UTP4: variants seen among roughly 807,000 people sequenced by gnomAD.
The protein encoded by UTP4 is UTP4 small subunit processome component, also known as U3 small nucleolar RNA-associated protein 4 homolog.
UTP4 carries 45 observed loss-of-function variants against 82.4 expected under a neutral mutation model. The observed-to-expected ratio is 0.55, with a 90% confidence interval of 0.43 to 0.70. The LOEUF (loss-of-function observed/expected upper bound fraction) is 0.70. Ranked by LOEUF, UTP4 falls within the 30% of genes least tolerant of loss-of-function variation. The pLI is 0.00. For synonymous variants in UTP4, 348 were observed against 300.3 expected, an observed-to-expected ratio of 1.16 and a Z score of -1.64; for missense variants, 819 against 858.3, an observed-to-expected ratio of 0.95 and a Z score of 0.57.
intron 6 of UTP4, among the ~76,000 whole-genome samples, chr16:69,148,238 G>A (rs997303926): frequency 2.0e-5 from 3 of 151,790 alleles, no homozygotes; most frequent in Non-Finnish European, 4.4e-5. Context: ...TGGAATTACA[G>A]GCGTGAGCCA....
intron 5 of UTP4, among the ~76,000 whole-genome samples, chr16:69,141,714 C>A (rs1048835293): frequency 6.6e-6 from 1 of 151,700 alleles, no homozygotes; most frequent in South Asian, 2.1e-4. Flanking sequence ...ATCTTTGAAT[C>A]CTCTATTGAG....
chr16:69,150,040 A>G (rs1166501259), intron 6 of UTP4, among the ~76,000 whole-genome samples: 1 of 152,136 alleles, frequency 6.6e-6, no homozygotes, highest in Non-Finnish European at 1.5e-5. Flanking sequence ...TGTTTCTTGG[A>G]TATTTTTAAT....
Position 69,137,783 on chromosome 16 carries a change from T to C in UTP4, c.352-18T>C, listed in dbSNP as rs746046263. 8.8e-6 allele frequency: 13 copies of C among 1,484,786 alleles called. No individual in the cohort carries two copies. Among genetic ancestry groups the C allele is most frequent in the Non-Finnish European group, 1.1e-5 (12 of 1,062,152 alleles). 92.0% of individuals were successfully genotyped at this position (1,484,786 alleles called of 1,614,324 possible). A position where few individuals can be genotyped will look rare whatever the true frequency, so the allele number is the denominator to read the frequency against. On this transcript the variant is annotated intron_variant, in intron 3 of 16. Coordinates refer to ENST00000314423, the MANE Select transcript of UTP4 (RefSeq NM_032830.3). ...TTTACTATTGATTTTTTCTGTTTACTACCTCTTTCTCAAATAGGTTGGTTG... is the reference window on the plus strand; with the variant it reads ...TTTACTATTGATTTTTTCTGTTTACCACCTCTTTCTCAAATAGGTTGGTTG...
chr16:69,133,319 TAGC>T, intron 1 of UTP4, 136 bp from the exon 2 acceptor site: 2 of 805,420 alleles, frequency 2.5e-6, no homozygotes, highest in Middle Eastern at 3.4e-4. Context: ...GGGGCATTGT[TAGC>T]AGCCATTTGG....
At chr16:69,166,895 G>C (rs929487259) in intron 15 of UTP4, 180 bp from the exon 16 acceptor site, 17 of 599,234 alleles carry the variant, frequency 2.8e-5, no homozygotes, top group Non-Finnish European at 4.7e-5. Context: ...TTCCCCCCTA[G>C]TTTTTCTGAA....
intron 16 of UTP4, among the ~76,000 whole-genome samples, chr16:69,168,613 G>C (rs1356797548): frequency 6.6e-6 from 1 of 151,906 alleles, no homozygotes; most frequent in East Asian, 1.9e-4. Context: ...AGGCAACATA[G>C]CAAGATCTCT....
chr16:69,165,900 C>T, intron 15 of UTP4: 1 of 378,154 alleles, frequency 2.6e-6, no homozygotes, highest in South Asian at 2.3e-5. Context: ...CAACTTTGAA[C>T]TCTGGGGTAT....
intron 6 of UTP4, among the ~76,000 whole-genome samples, chr16:69,150,157 A>G (rs530468716): frequency 5.3e-5 from 8 of 152,320 alleles, no homozygotes; most frequent in African/African-American, 1.9e-4. Flanking sequence ...GATCATGTTA[A>G]ATATTCGTAT....
intron 13 of UTP4, among the ~76,000 whole-genome samples, chr16:69,162,776 C>T (rs1963597108): frequency 6.7e-6 from 1 of 149,686 alleles, no homozygotes. Flanking sequence ...GTAATCCCAG[C>T]TACTTGGGAG....
intron 3 of UTP4, 70 bp from the exon 4 acceptor site, chr16:69,137,727 GGTGT>G: frequency 1.1e-5 from 9 of 803,988 alleles, no homozygotes; most frequent in Non-Finnish European, 1.6e-5. Context: ...TGTGTTGGGG[GGTGT>G]GTGTGTGTGT....
chr16:69,143,443 G>A (rs1244266667), intron 6 of UTP4, 54 bp downstream of exon 6: 1 of 1,512,066 alleles, frequency 6.6e-7, no homozygotes, highest in Non-Finnish European at 9.2e-7. Flanking sequence ...GGGGTGAGTT[G>A]AGAAAGCAGC....
In UTP4 at chr16:69,157,009, G is replaced by T. The variant is rs1273448791; in HGVS notation, c.1288-75G>T. 5 of 1,502,108 alleles carry T rather than the reference G, an allele frequency of 3.3e-6. No individual in the cohort carries two copies. The African/African-American group carries it at 4.1e-5, about 12-fold the overall frequency. The allele number at this position is 1,502,108 out of a possible 1,614,324, so 93.0% of individuals were successfully genotyped here. A position where few individuals can be genotyped will look rare whatever the true frequency, so the allele number is the denominator to read the frequency against. ...GACAGGAAGCATTAATGTACCTTAA[G>T]CCTAGCTGTGATTGTTTCTGATGGG... On this transcript the variant is annotated intron_variant, in intron 11 of 16. Coordinates refer to ENST00000314423, the MANE Select transcript of UTP4 (RefSeq NM_032830.3).
intron 14 of UTP4, 63 bp from the exon 15 acceptor site, chr16:69,165,278 A>G: frequency 7.2e-7 from 1 of 1,386,650 alleles, no homozygotes; most frequent in Non-Finnish European, 1.0e-6. Flanking sequence ...GTTAGGGATG[A>G]GAATGCCCTT....
chr16:69,154,595 C>T lies in UTP4; in HGVS notation c.1164+138C>T, dbSNP rs115501719. 1,043 of 716,384 alleles carry T rather than the reference C, an allele frequency of 1.5e-3. 6 individuals carry two copies. In the African/African-American group the frequency reaches 0.017, roughly 12 times the overall value. 44.4% of individuals were successfully genotyped at this position (716,384 alleles called of 1,614,324 possible). A position where few individuals can be genotyped will look rare whatever the true frequency, so the allele number is the denominator to read the frequency against. ...ACTATTTGAATGAAGGACTGTGTCACCAGGACTGGGTTTCCTGTGATTATA... is the reference window on the plus strand; with the variant it reads ...ACTATTTGAATGAAGGACTGTGTCATCAGGACTGGGTTTCCTGTGATTATA... On this transcript the variant is annotated intron_variant, in intron 10 of 16. Transcript: ENST00000314423.
chr16:69,152,035 C>T (rs1963286221), intron 8 of UTP4, among the ~76,000 whole-genome samples: 1 of 150,806 alleles, frequency 6.6e-6, no homozygotes, highest in African/African-American at 2.4e-5. Flanking sequence ...GATAGATCAA[C>T]AGCTCTATTG....
At chr16:69,147,230 G>A (rs949016504) in intron 6 of UTP4, among the ~76,000 whole-genome samples, 16 of 148,722 alleles carry the variant, frequency 1.1e-4, no homozygotes, top group African/African-American at 3.7e-4. Context: ...TAAGCCGGGC[G>A]TGGTGACTCA....
chr16:69,162,153 G>A (rs1963579899), intron 13 of UTP4, among the ~76,000 whole-genome samples: 1 of 151,760 alleles, frequency 6.6e-6, no homozygotes, highest in Admixed American at 6.6e-5. Flanking sequence ...ATTTTTGGTA[G>A]AGATGGGGTT....
rs77647037 is a variant in UTP4 at position 69,152,239 on chromosome 16, G to C, written c.1002+1335G>C. Among the ~76,000 whole-genome samples the C allele has an allele frequency of 5.0e-3, 753 of 151,568 alleles. 4 individuals are homozygous for C. Among genetic ancestry groups the C allele is most frequent in the African/African-American group, 0.018 (734 of 41,330 alleles). On this transcript the variant is annotated intron_variant, in intron 8 of 16. Coordinates refer to ENST00000314423, the MANE Select transcript of UTP4 (RefSeq NM_032830.3). The stretch of plus-strand genomic sequence containing the variant: ...GCTTCTTAATCATGTCCTTTTATTT[G>C]CATTTGTGTCATTCTAGCCTATTCT...
chr16:69,143,359 T>G lies in UTP4; in HGVS notation c.708T>G (p.Asn236Lys). The G allele has an allele frequency of 6.2e-7, 1 of 1,614,170 alleles. No individual in the cohort carries two copies. The highest frequency in any genetic ancestry group is 8.5e-7 in the Non-Finnish European group (1 of 1,180,030). Residue 236 changes from asparagine (N) to lysine (K), a missense_variant, in exon 6 of 17, where the codon AAT (asparagine) becomes AAG (lysine). Coordinates refer to ENST00000314423, the MANE Select transcript of UTP4 (RefSeq NM_032830.3). ...TTGTGAAGAGCCATCTCATCGCTAA[T>G]GCTGACGTGCAGTCCATTGCTGTAG... ...GTLVKSHLIA[N>K]ADVQSIAVAD...
Sources: allele counts gnomAD v4.1 joint callset (sites outside exome capture counted in the v4.1 genomes callset), GRCh38; gene constraint gnomAD v4.1.1; transcripts MANE v1.5; gene names NCBI Gene and HGNC (gene_info 2026-07-23, HGNC 2026-07-21).